Variants in AFAP1 observed in about 807,000 individuals in gnomAD.
The protein encoded by AFAP1 is actin filament associated protein 1.
A neutral mutation model predicts 93.9 loss-of-function variants in AFAP1; 75 were observed. The observed-to-expected ratio is 0.80, with a 90% CI of 0.66 to 0.97. The LOEUF (loss-of-function observed/expected upper bound fraction) is 0.97. AFAP1 is among the 50% of genes least tolerant of loss of function. The pLI is 0.00. For missense variants in AFAP1, 1,201 were observed against 1,050.8 expected, an observed-to-expected ratio of 1.14 and a Z score of -1.98; for synonymous variants, 517 against 430.7, an observed-to-expected ratio of 1.20 and a Z score of -2.48.
chr4:7,797,756 A>G (rs1160643758), intron 10 of AFAP1, among the ~76,000 whole-genome samples: 1 of 152,240 alleles, frequency 6.6e-6, no homozygotes, highest in Non-Finnish European at 1.5e-5. Context: ...GACTGTGATC[A>G]TATTACACTG....
chr4:7,831,335 A>G (rs1577264824), intron 6 of AFAP1, among the ~76,000 whole-genome samples: 1 of 152,204 alleles, frequency 6.6e-6, no homozygotes, highest in Non-Finnish European at 1.5e-5. Flanking sequence ...TAAACTCTTT[A>G]GAAAAGATAC....
intron 3 of AFAP1, among the ~76,000 whole-genome samples, chr4:7,857,583 CA>C (rs1715210334): frequency 6.6e-6 from 1 of 152,208 alleles, no homozygotes; most frequent in African/African-American, 2.4e-5. Context: ...CCTACAGACG[CA>C]ACAGAACCTG....
chr4:7,837,135 T>A (rs1359371551), intron 6 of AFAP1, among the ~76,000 whole-genome samples: 1 of 152,200 alleles, frequency 6.6e-6, no homozygotes, highest in African/African-American at 2.4e-5. Context: ...CAAATAGTAT[T>A]TCCAGCCTGA....
In AFAP1 at chr4:7,802,088, TTTATTAC is replaced by T. The variant is rs201998294; in HGVS notation, c.1055-1442_1055-1436del. ...GTATGTTCAGGACCCAGAATGATGC[TTTATTAC>T]TTATAACTATTGGTTCAGTGACTTA... On this transcript the variant is annotated intron_variant, in intron 9 of 17. Transcript: ENST00000420658. Among the ~76,000 whole-genome samples, 1,278 of 152,150 alleles carry T rather than the reference TTTATTAC, an allele frequency of 8.4e-3. 15 individuals are homozygous for T. The highest frequency in any genetic ancestry group is 0.02 in the Middle Eastern group (6 of 294).
At chr4:7,793,174 A>T (rs11733311) in intron 11 of AFAP1, among the ~76,000 whole-genome samples, 34,201 of 103,306 alleles carry the variant, frequency 0.33, 4,783 homozygotes, top group Non-Finnish European at 0.42. Context: ...TTTTTTTTTT[A>T]AAAAAATCAC....
chr4:7,768,307 T>C (rs1251583536), intron 17 of AFAP1, among the ~76,000 whole-genome samples: 1 of 152,198 alleles, frequency 6.6e-6, no homozygotes, highest in Non-Finnish European at 1.5e-5. Flanking sequence ...AAGGTTAGCA[T>C]CAAAACTTGC....
chr4:7,779,226 G>A, intron 13 of AFAP1: 1 of 218,504 alleles, frequency 4.6e-6, no homozygotes, highest in Non-Finnish European at 9.1e-6. Context: ...GTGTTTCTGA[G>A]GATAAGCAGC....
In AFAP1 at chr4:7,847,893, G is replaced by A. The variant is rs190865357; in HGVS notation, c.335-4543C>T. Among the ~76,000 whole-genome samples the A allele has an allele frequency of 8.6e-5, 13 of 151,820 alleles. No homozygotes were observed. In the East Asian group the frequency reaches 2.1e-3, roughly 25 times the overall value. Reference sequence around the variant, plus strand: ...AGACCAAAGGGCCAACAACAGAACCGTGTGAACTCTGTTGAAAGGACGTTG... The same window carrying A: ...AGACCAAAGGGCCAACAACAGAACCATGTGAACTCTGTTGAAAGGACGTTG... On this transcript the variant is annotated intron_variant, in intron 4 of 17. Coordinates refer to ENST00000420658, the MANE Select transcript of AFAP1 (RefSeq NM_001134647.2).
At chr4:7,827,570 A>AG (rs1721541868) in intron 6 of AFAP1, among the ~76,000 whole-genome samples, 1 of 40,772 alleles carries the variant, frequency 2.5e-5, no homozygotes, top group Admixed American at 3.4e-4. Flanking sequence ...CTCTGTCTCC[A>AG]AAAAAAAAAA....
chr4:7,782,799 G>A (rs555166629), intron 12 of AFAP1, among the ~76,000 whole-genome samples: 91 of 152,348 alleles, frequency 6.0e-4, no homozygotes, highest in African/African-American at 2.1e-3. Flanking sequence ...CAGTAGGAGT[G>A]TCTGTATTCC....
intron 7 of AFAP1, among the ~76,000 whole-genome samples, chr4:7,816,719 A>T (rs1029504155): frequency 1.6e-4 from 24 of 152,210 alleles, no homozygotes; most frequent in African/African-American, 5.5e-4. Flanking sequence ...TTGCCACCCA[A>T]GAACCTGTGG....
chr4:7,867,513 T>C (rs1716560219), intron 3 of AFAP1, among the ~76,000 whole-genome samples: 1 of 152,222 alleles, frequency 6.6e-6, no homozygotes. Flanking sequence ...GTCTGAGGCA[T>C]GCTTGCATCT....
chr4:7,836,846 T>G (rs143046457), intron 6 of AFAP1, among the ~76,000 whole-genome samples: 5 of 151,150 alleles, frequency 3.3e-5, no homozygotes, highest in Admixed American at 6.6e-5. Context: ...CACAAACCAC[T>G]GAATTGGACT....
chr4:7,834,421 G>A (rs1410743810), intron 6 of AFAP1, among the ~76,000 whole-genome samples: 3 of 152,180 alleles, frequency 2.0e-5, no homozygotes, highest in African/African-American at 4.8e-5. Context: ...ATACTGCTTC[G>A]CTGTTGGGTG....
intron 1 of AFAP1, among the ~76,000 whole-genome samples, chr4:7,875,430 A>C (rs1717438220): frequency 6.6e-6 from 1 of 152,168 alleles, no homozygotes; most frequent in Admixed American, 6.5e-5. Flanking sequence ...TTCATTAATC[A>C]ATTTCTTGAT....
At chr4:7,907,795 C>T (rs558927756) in intron 1 of AFAP1, among the ~76,000 whole-genome samples, 4 of 152,286 alleles carry the variant, frequency 2.6e-5, no homozygotes, top group Admixed American at 2.6e-4. Flanking sequence ...AAGGGATATT[C>T]AATCTGCATT....
At chr4:7,899,857 A>AAT (rs1719012894) in intron 1 of AFAP1, among the ~76,000 whole-genome samples, 1 of 149,164 alleles carries the variant, frequency 6.7e-6, no homozygotes, top group Non-Finnish European at 1.5e-5. Flanking sequence ...GTGCTCTTTA[A>AAT]AAATAAATAA....
chr4:7,841,570 C>A (rs537350109), intron 5 of AFAP1, among the ~76,000 whole-genome samples: 55 of 152,300 alleles, frequency 3.6e-4, no homozygotes, highest in African/African-American at 1.3e-3. Flanking sequence ...AGGGGAAGAA[C>A]ATGGCTTTTC....
chr4:7,863,254 T>G (rs372614729), intron 3 of AFAP1, among the ~76,000 whole-genome samples: 4 of 151,964 alleles, frequency 2.6e-5, no homozygotes, highest in African/African-American at 9.7e-5. Flanking sequence ...CTGTCTCTAT[T>G]AAAAAGACAA....
Sources: gnomAD v4.1 joint callset for allele counts (sites outside exome capture counted in the v4.1 genomes callset) on GRCh38, gnomAD v4.1.1 for gene constraint, MANE v1.5 for transcripts, NCBI Gene and HGNC (gene_info 2026-07-23, HGNC 2026-07-21) for gene names.